CCND1: variants seen among roughly 807,000 people sequenced by gnomAD.
CCND1 encodes the protein G1/S-specific cyclin-D1.
In CCND1, 9 loss-of-function variants were observed where a neutral mutation model predicts 26.1. That is an observed-to-expected ratio of 0.35 (90% CI 0.21 to 0.60). The LOEUF is 0.60. Among genes scored for constraint, CCND1 ranks in the 20% least tolerant of loss-of-function variants. The pLI, the probability that CCND1 is intolerant of heterozygous loss-of-function variation, is 0.79. For synonymous variants in CCND1, 194 were observed against 166.1 expected (o/e 1.17, Z -1.29); for missense variants, 335 against 392.9 (o/e 0.85, Z 1.25).
At position 69,651,184 on chromosome 11, in the gene CCND1, C is replaced by A. The variant is rs768582800; in HGVS notation, c.790C>A (p.Gln264Lys). 28 of 1,611,086 alleles carry A rather than the reference C, an allele frequency of 1.7e-5. No individual in the cohort carries two copies. The highest frequency in any genetic ancestry group is 2.4e-5 in the Non-Finnish European group (28 of 1,178,612). Residue 264 changes from glutamine to lysine, a missense_variant, in exon 5 of 5, where the codon CAG (glutamine) becomes AAG (lysine). Coordinates refer to ENST00000227507, the MANE Select transcript of CCND1 (RefSeq NM_053056.3). Reference sequence around the variant, plus strand: ...GGAGTCAAGCCTGCGCCAGGCCCAGCAGAACATGGACCCCAAGGCCGCCGA... The same window carrying A: ...GGAGTCAAGCCTGCGCCAGGCCCAGAAGAACATGGACCCCAAGGCCGCCGA... ...LLESSLRQAQ[Q>K]NMDPKAAEEE...
Position 69,641,540 on chromosome 11 carries a change from A to G in CCND1, c.198+29A>G, listed in dbSNP as rs780203299. 31 of 1,605,160 alleles carry G rather than the reference A, an allele frequency of 1.9e-5. No individual in the cohort carries two copies. In the Middle Eastern group the frequency reaches 8.3e-4, roughly 43 times the overall value. On this transcript the variant is annotated intron_variant, in intron 1 of 4. Transcript: ENST00000227507. ...CGGGGCTTCGGGCGGCTCTCTTAAG[A>G]CTTCCCTGCAACTTGTTGCCCAGAC...
chr11:69,648,294 C>T, intron 4 of CCND1, 152 bp downstream of exon 4: 1 of 762,022 alleles, frequency 1.3e-6, no homozygotes, highest in Non-Finnish European at 2.1e-6. Flanking sequence ...CACAGACTGA[C>T]AGGGCACCGG....
At chr11:69,643,779 G>T in intron 2 of CCND1, 53 bp from the exon 3 acceptor site, 1 of 1,550,748 alleles carries the variant, frequency 6.4e-7, no homozygotes, top group East Asian at 2.3e-5. Context: ...GCTTCCCCGC[G>T]CCCCCGGGCT....
Position 69,652,484 on chromosome 11 carries a change from A to G in CCND1, c.*1202A>G, listed in dbSNP as rs1855867441. 8.6e-6 allele frequency: 2 copies of G among 233,346 alleles called. No homozygotes were observed. The highest frequency in any genetic ancestry group is 1.7e-5 in the Non-Finnish European group (2 of 118,054). The allele number at this position is 233,346 out of a possible 1,614,324, so 14.5% of individuals were successfully genotyped here. A position where few individuals can be genotyped will look rare whatever the true frequency, so the allele number is the denominator to read the frequency against. On this transcript the variant is annotated 3_prime_UTR_variant, in exon 5 of 5. Coordinates refer to ENST00000227507, the MANE Select transcript of CCND1 (RefSeq NM_053056.3). ...GGGAGGCTGCGTGCCAGTCAAGAAG[A>G]AAAAGGTTTGCATTCTCACATTGCC...
At position 69,644,167 on chromosome 11, in the gene CCND1, G is replaced by A. The variant is rs763168662; in HGVS notation, c.574+176G>A. 4.2e-5 allele frequency: 28 copies of A among 660,528 alleles called. No individual in the cohort carries two copies. The Admixed American group carries it at 6.5e-4, about 15-fold the overall frequency. 40.9% of individuals were successfully genotyped at this position (660,528 alleles called of 1,614,324 possible). A position where few individuals can be genotyped will look rare whatever the true frequency, so the allele number is the denominator to read the frequency against. On this transcript the variant is annotated intron_variant, in intron 3 of 4. Coordinates refer to ENST00000227507, the MANE Select transcript of CCND1 (RefSeq NM_053056.3). ...GCAGAGGCCCTGGATTGTTTGTCGC[G>A]CTGGATGGAGGGAGATTTGCTCCCT...
At chr11:69,642,951 A>C in intron 1 of CCND1, 80 bp from the exon 2 acceptor site, 1 of 1,089,210 alleles carries the variant, frequency 9.2e-7, no homozygotes, top group African/African-American at 1.7e-5. Flanking sequence ...CGGCCCTGCC[A>C]AGCGCGATGG....
chr11:69,653,495 A>C lies in CCND1; in HGVS notation c.*2213A>C. ...ATTCCAAAAAGGTTGCTGTTTCACA[A>C]TACCTCATGCTTCACTTAGCCATGG... On this transcript the variant is annotated 3_prime_UTR_variant, in exon 5 of 5. Coordinates refer to ENST00000227507, the MANE Select transcript of CCND1 (RefSeq NM_053056.3). 1.7e-6 allele frequency: 1 copy of C among 573,564 alleles called. No homozygotes were observed. The highest frequency in any genetic ancestry group is 2.2e-5 in the South Asian group (1 of 44,820). The allele number at this position is 573,564 out of a possible 1,614,324, so 35.5% of individuals were successfully genotyped here. A position where few individuals can be genotyped will look rare whatever the true frequency, so the allele number is the denominator to read the frequency against.
rs10640302 is a variant in CCND1 at position 69,652,779 on chromosome 11, TACACACACACAC to T, written c.*1511_*1522del. 4.4e-6 allele frequency: 1 copy of T among 226,512 alleles called. No homozygotes were observed. The highest frequency in any genetic ancestry group is 2.2e-5 in the African/African-American group (1 of 44,538). The allele number at this position is 226,512 out of a possible 1,614,324, so 14.0% of individuals were successfully genotyped here. A position where few individuals can be genotyped will look rare whatever the true frequency, so the allele number is the denominator to read the frequency against. ...TCTCCCCTTGATTTAAACACACAGA[TACACACACACAC>T]ACACACACACACAAACCTTCTGCCT... is the stretch of plus-strand genomic sequence containing the variant. On this transcript the variant is annotated 3_prime_UTR_variant, in exon 5 of 5. Transcript: ENST00000227507.
chr11:69,643,750 C>A (rs2120092414), intron 2 of CCND1, 82 bp from the exon 3 acceptor site: 1 of 1,397,070 alleles, frequency 7.2e-7, no homozygotes, highest in Non-Finnish European at 9.8e-7. Flanking sequence ...TGCGGCGTGG[C>A]CCGGCCCCCG....
At position 69,651,438 on chromosome 11, in the gene CCND1, C is replaced by G; in HGVS notation, c.*156C>G. 5.2e-6 allele frequency: 3 copies of G among 580,508 alleles called. No individual in the cohort carries two copies. Among genetic ancestry groups the G allele is most frequent in the Non-Finnish European group, 8.1e-6 (3 of 370,722 alleles). The allele number at this position is 580,508 out of a possible 1,614,324, so 36.0% of individuals were successfully genotyped here. ...GGTTGTTTTTTCCTTTGCTCTTTCC[C>G]CCTTCCATCTCTGACTTAAGCAAAA... On this transcript the variant is annotated 3_prime_UTR_variant, in exon 5 of 5. Transcript: ENST00000227507.
At chr11:69,645,276 A>C (rs765278222) in intron 3 of CCND1, among the ~76,000 whole-genome samples, 1 of 152,170 alleles carries the variant, frequency 6.6e-6, no homozygotes, top group Non-Finnish European at 1.5e-5. Context: ...TATGGAGCTG[A>C]AAGTGGCTTC....
Position 69,653,604 on chromosome 11 carries a change from A to G in CCND1, c.*2322A>G. ...CACAGGCTGGCGGGGGCCGGCCCCG[A>G]GGCCGCGTGCGTGAGAACCGCGCCG... On this transcript the variant is annotated 3_prime_UTR_variant, in exon 5 of 5. Transcript: ENST00000227507. 1 of 485,144 alleles carries G rather than the reference A, an allele frequency of 2.1e-6. No homozygotes were observed. Among genetic ancestry groups the G allele is most frequent in the Non-Finnish European group, 3.6e-6 (1 of 274,764 alleles). 30.1% of individuals were successfully genotyped at this position (485,144 alleles called of 1,614,324 possible). A position where few individuals can be genotyped will look rare whatever the true frequency, so the allele number is the denominator to read the frequency against.
At chr11:69,650,659 A>G (rs1304608414) in intron 4 of CCND1, among the ~76,000 whole-genome samples, 6 of 152,218 alleles carry the variant, frequency 3.9e-5, no homozygotes, top group Non-Finnish European at 8.8e-5. Context: ...TTCGACAGCC[A>G]TTGATCATGG....
rs377053823 is a variant in CCND1, at chr11:69,644,973, G to A, written c.574+982G>A. 3.3e-5 allele frequency among the ~76,000 whole-genome samples: 5 copies of A among 152,320 alleles called. No homozygotes were observed. The East Asian group carries it at 5.8e-4, about 18-fold the overall frequency. ...CATCTTCTCCCCTCCCCAGAGGGCA[G>A]AGCCCCCCAAGCCTACTTCAGAGCT... On this transcript the variant is annotated intron_variant, in intron 3 of 4. Coordinates refer to ENST00000227507, the MANE Select transcript of CCND1 (RefSeq NM_053056.3).
rs1855867048 is a variant in CCND1 at position 69,652,413 on chromosome 11, T to G, written c.*1131T>G. 1 of 233,714 alleles carries G rather than the reference T, an allele frequency of 4.3e-6. No individual in the cohort carries two copies. The highest frequency in any genetic ancestry group is 8.5e-6 in the Non-Finnish European group (1 of 118,062). 14.5% of individuals were successfully genotyped at this position (233,714 alleles called of 1,614,324 possible). A position where few individuals can be genotyped will look rare whatever the true frequency, so the allele number is the denominator to read the frequency against. ...ATGTACTTGTTTGCAAGCAGGACTT[T>G]GAGGCAAGTGTGGGCCACTGTGGTG... On this transcript the variant is annotated 3_prime_UTR_variant, in exon 5 of 5. Coordinates refer to ENST00000227507, the MANE Select transcript of CCND1 (RefSeq NM_053056.3).
intron 3 of CCND1, among the ~76,000 whole-genome samples, chr11:69,645,691 C>G (rs756407283): frequency 6.6e-6 from 1 of 152,184 alleles, no homozygotes; most frequent in Non-Finnish European, 1.5e-5. Flanking sequence ...GAGTGACTTA[C>G]GGCTGCTTAA....
At chr11:69,647,558 G>T (rs1234838909) in intron 3 of CCND1, among the ~76,000 whole-genome samples, 1 of 152,232 alleles carries the variant, frequency 6.6e-6, no homozygotes, top group Non-Finnish European at 1.5e-5. Context: ...CCTGCTGCTG[G>T]GGGGTGGCAG....
rs574345911 is a variant in CCND1, at chr11:69,653,768, A to AATTATT, written c.*2501_*2506dup. On this transcript the variant is annotated 3_prime_UTR_variant, in exon 5 of 5. Transcript: ENST00000227507. ...TTGCGTGTAGCTATGGAAGTTGCAT[A>AATTATT]ATTATTATTATTATTATTATAACAA... 7.1e-6 allele frequency: 2 copies of AATTATT among 280,218 alleles called. No homozygotes were observed. The highest frequency in any genetic ancestry group is 5.3e-5 in the East Asian group (1 of 18,804). 17.4% of individuals were successfully genotyped at this position (280,218 alleles called of 1,614,324 possible). A position where few individuals can be genotyped will look rare whatever the true frequency, so the allele number is the denominator to read the frequency against.
chr11:69,654,257 T>C lies in CCND1; in HGVS notation c.*2975T>C. ...GCAAGGGCACAAGTCCTGGATGTTG[T>C]GTGTATCGAGAGGCCAAAGGCTGGT... On this transcript the variant is annotated 3_prime_UTR_variant, in exon 5 of 5. Transcript: ENST00000227507. This position sits in a 1 kb window ranked among gnomAD's most constrained non-coding sequence, Gnocchi z 6.3. 1 of 702,424 alleles carries C rather than the reference T, an allele frequency of 1.4e-6. No homozygotes were observed. The highest frequency in any genetic ancestry group is 1.5e-5 in the South Asian group (1 of 67,594). The allele number at this position is 702,424 out of a possible 1,614,324, so 43.5% of individuals were successfully genotyped here. A position where few individuals can be genotyped will look rare whatever the true frequency, so the allele number is the denominator to read the frequency against.
Sources: allele counts gnomAD v4.1 joint callset (sites outside exome capture counted in the v4.1 genomes callset), GRCh38; gene constraint gnomAD v4.1.1; non-coding constraint Gnocchi (gnomAD v3.1); transcripts MANE v1.5; gene names NCBI Gene and HGNC (gene_info 2026-07-23, HGNC 2026-07-21).